The following WWP2 variants were observed in gnomAD, a reference collection of about 807,000 sequenced individuals.
WWP2 encodes the protein NEDD4-like E3 ubiquitin-protein ligase WWP2.
Under a neutral mutation model 121.0 loss-of-function variants are expected in WWP2, and 57 were observed. The ratio of observed to expected loss-of-function variants is 0.47; its 90% CI spans 0.38 to 0.59. WWP2 has a LOEUF of 0.59. Among genes scored for constraint, WWP2 ranks in the 20% least tolerant of loss-of-function variants. The probability of loss-of-function intolerance (pLI) is 0.00; values close to 1 mark genes in which losing one functional copy is unlikely to be tolerated. For synonymous variants in WWP2, 449 were observed against 441.3 expected, an observed-to-expected ratio of 1.02 and a Z score of -0.22; for missense variants, 962 against 1,158.9, an observed-to-expected ratio of 0.83 and a Z score of 2.47.
At chr16:69,876,270 G>A (rs2057733602) in intron 7 of WWP2, among the ~76,000 whole-genome samples, 2 of 151,634 alleles carry the variant, frequency 1.3e-5, no homozygotes, top group East Asian at 2.0e-4. Context: ...ATGGGTTTTG[G>A]CCACATCCAT....
intron 6 of WWP2, among the ~76,000 whole-genome samples, chr16:69,854,756 G>A (rs1182703075): frequency 6.6e-6 from 1 of 152,114 alleles, no homozygotes; most frequent in African/African-American, 2.4e-5. Flanking sequence ...TCGCCAAGTT[G>A]GTCATGCTGG....
At chr16:69,863,596 G>A (rs558796381) in intron 6 of WWP2, among the ~76,000 whole-genome samples, 2 of 152,322 alleles carry the variant, frequency 1.3e-5, no homozygotes, top group East Asian at 3.9e-4. Context: ...AGCCGAGATT[G>A]CGCCACTTCA....
chr16:69,766,034 G>C (rs775056850), intron 1 of WWP2, among the ~76,000 whole-genome samples: 8 of 152,034 alleles, frequency 5.3e-5, no homozygotes, highest in Non-Finnish European at 1.0e-4. Flanking sequence ...GGCCTGTCTC[G>C]AGACTTCTAG....
intron 10 of WWP2, among the ~76,000 whole-genome samples, chr16:69,923,406 G>T (rs1597166655): frequency 7.9e-6 from 1 of 127,306 alleles, no homozygotes; most frequent in African/African-American, 2.9e-5. Context: ...AGCCAACATT[G>T]CATGAAGGCT....
intron 8 of WWP2, among the ~76,000 whole-genome samples, chr16:69,891,182 C>T (rs1193140268): frequency 6.6e-6 from 1 of 152,170 alleles, no homozygotes; most frequent in Admixed American, 6.5e-5. Context: ...AGAGAGAGTA[C>T]TATTTCTGCC....
chr16:69,903,766 C>CAA (rs1270704481), intron 8 of WWP2, among the ~76,000 whole-genome samples: 1,639 of 85,952 alleles, frequency 0.019, 40 homozygotes, highest in African/African-American at 0.065. Context: ...GAATCTGTCT[C>CAA]AAAAAAAAAA....
chr16:69,880,090 T>C (rs769368212), intron 7 of WWP2, among the ~76,000 whole-genome samples: 38 of 151,164 alleles, frequency 2.5e-4, no homozygotes, highest in Admixed American at 7.3e-4. Flanking sequence ...TCAAAATAAA[T>C]ATCCCATTAG....
At chr16:69,890,406 G>T (rs965715457) in intron 8 of WWP2, among the ~76,000 whole-genome samples, 1 of 152,092 alleles carries the variant, frequency 6.6e-6, no homozygotes, top group African/African-American at 2.4e-5. Context: ...TTTAGTGAAG[G>T]TTAAAGTGAA....
chr16:69,822,766 G>A (rs564161515), intron 4 of WWP2, among the ~76,000 whole-genome samples: 1 of 152,310 alleles, frequency 6.6e-6, no homozygotes, highest in South Asian at 2.1e-4. Context: ...GCAGGTGCTA[G>A]ATCAGTGCTG....
In WWP2 at chr16:69,930,112, T is replaced by G; in HGVS notation, c.1317-18T>G. On this transcript the variant is annotated intron_variant, in intron 12 of 23. Transcript: ENST00000359154. ...AAGGTGGGGCCAGCCCTTCACCCTT[T>G]TCTTCCCGTGTTTCCAGGATGATCC... 6.2e-7 allele frequency: 1 copy of G among 1,613,776 alleles called. No individual in the cohort carries two copies. Among genetic ancestry groups the G allele is most frequent in the Non-Finnish European group, 8.5e-7 (1 of 1,179,838 alleles).
At chr16:69,927,053 T>G (rs1359496971) in intron 11 of WWP2, among the ~76,000 whole-genome samples, 2 of 152,044 alleles carry the variant, frequency 1.3e-5, no homozygotes, top group Non-Finnish European at 2.9e-5. Flanking sequence ...TGGAAATATT[T>G]GAGATAGAAA....
chr16:69,851,940 G>T (rs147832593), intron 6 of WWP2, among the ~76,000 whole-genome samples: 1 of 151,998 alleles, frequency 6.6e-6, no homozygotes, highest in Non-Finnish European at 1.5e-5. Context: ...CTGAGATCAC[G>T]CCACTGCACT....
In WWP2 at chr16:69,764,846, C is replaced by T. The variant is rs537514953; in HGVS notation, c.-16+2455C>T. On this transcript the variant is annotated intron_variant, in intron 1 of 23. Transcript: ENST00000359154. ...TTGATACTTTTTATGTTATAGTAAA[C>T]GATCATATAATGTATAAACATGTAT... is the stretch of plus-strand genomic sequence containing the variant. Among the ~76,000 whole-genome samples, 119 of 152,232 alleles carry T rather than the reference C, an allele frequency of 7.8e-4. 1 individual carries two copies. The highest frequency in any genetic ancestry group is 6.8e-3 in the Middle Eastern group (2 of 294).
chr16:69,922,989 A>C (rs1273082090), intron 10 of WWP2, among the ~76,000 whole-genome samples: 1 of 151,838 alleles, frequency 6.6e-6, no homozygotes, highest in South Asian at 2.1e-4. Context: ...TCCTGGGTTT[A>C]AGCGATTATC....
rs117443900 is a variant in WWP2, at chr16:69,937,543, C to A, written c.2239-5C>A. 22,202 of 1,613,924 alleles carry A rather than the reference C, an allele frequency of 0.014. 208 individuals are homozygous for A. The highest frequency in any genetic ancestry group is 0.017 in the Non-Finnish European group (20,210 of 1,179,984). ...CCGGGGATGCTGACTGCCGCCTCTC[C>A]CCAGCTGATGCTGTGCGGCATGCAG... is the stretch of plus-strand genomic sequence containing the variant. On this transcript the variant is annotated splice_region_variant and splice_polypyrimidine_tract_variant and intron_variant, in intron 20 of 23. Coordinates refer to ENST00000359154, the MANE Select transcript of WWP2 (RefSeq NM_001270454.2). The surrounding 1 kb of genome is among the most constrained non-coding windows in gnomAD (Gnocchi z 6.6).
intron 4 of WWP2, among the ~76,000 whole-genome samples, chr16:69,833,928 G>A (rs1264604697): frequency 6.6e-6 from 1 of 152,146 alleles, no homozygotes; most frequent in Non-Finnish European, 1.5e-5. Flanking sequence ...TCATGCTAGG[G>A]AGGAGGCCAG....
chr16:69,840,572 T>C (rs2056959504), intron 5 of WWP2, among the ~76,000 whole-genome samples: 1 of 152,214 alleles, frequency 6.6e-6, no homozygotes, highest in Non-Finnish European at 1.5e-5. Context: ...TTTGGCCCAT[T>C]ATTTTCCTTC....
At chr16:69,860,424 A>G (rs1328816103) in intron 6 of WWP2, among the ~76,000 whole-genome samples, 3 of 152,234 alleles carry the variant, frequency 2.0e-5, no homozygotes, top group African/African-American at 7.2e-5. Flanking sequence ...GTAGTGACAC[A>G]TAGCAGTGCC....
chr16:69,783,275 G>C (rs1330762335), intron 1 of WWP2: 1 of 152,218 alleles, frequency 6.6e-6, no homozygotes, highest in African/African-American at 2.4e-5. Context: ...CTCCCAAAGT[G>C]CTGGGATTAC....
Sources: allele counts gnomAD v4.1 joint callset (sites outside exome capture counted in the v4.1 genomes callset), GRCh38; gene constraint gnomAD v4.1.1; non-coding constraint Gnocchi (gnomAD v3.1); transcripts MANE v1.5; gene names NCBI Gene and HGNC (gene_info 2026-07-23, HGNC 2026-07-21).